Variants in STXBP5L observed in about 807,000 individuals in gnomAD.
STXBP5L encodes the protein syntaxin-binding protein 5-like.
In STXBP5L, 65 loss-of-function variants were observed where a neutral mutation model predicts 144.5. The ratio of observed to expected loss-of-function variants is 0.45; its 90% confidence interval spans 0.37 to 0.55. STXBP5L has a LOEUF of 0.55. STXBP5L is among the 20% of genes least tolerant of loss of function. The pLI is 0.00. For synonymous variants in STXBP5L, 505 were observed against 469.6 expected (o/e 1.08, Z -0.97); for missense variants, 1,298 against 1,405.5 (o/e 0.92, Z 1.22).
intron 5 of STXBP5L, among the ~76,000 whole-genome samples, chr3:121,069,969 T>G (rs968314993): frequency 6.6e-6 from 1 of 152,224 alleles, no homozygotes; most frequent in African/African-American, 2.4e-5. Context: ...ACTTTTGCTG[T>G]GTCCCAGAGG....
intron 5 of STXBP5L, among the ~76,000 whole-genome samples, chr3:121,082,502 G>C (rs1230415657): frequency 1.3e-5 from 2 of 152,172 alleles, no homozygotes; most frequent in African/African-American, 4.8e-5. Context: ...TTATCTGCTT[G>C]GGACCCATTC....
chr3:121,110,973 G>T (rs1024136006), intron 5 of STXBP5L, among the ~76,000 whole-genome samples: 3 of 151,580 alleles, frequency 2.0e-5, no homozygotes, highest in Admixed American at 6.6e-5. Flanking sequence ...TGCCTGTCTT[G>T]TTTCATCAAG....
chr3:120,955,946 T>C (rs1188195544), intron 3 of STXBP5L, among the ~76,000 whole-genome samples: 1 of 152,042 alleles, frequency 6.6e-6, no homozygotes, highest in African/African-American at 2.4e-5. Context: ...TGAAGATTCA[T>C]TCATATTGTT....
chr3:121,171,459 C>T (rs1169256251), intron 9 of STXBP5L, among the ~76,000 whole-genome samples: 2 of 152,142 alleles, frequency 1.3e-5, no homozygotes, highest in African/African-American at 2.4e-5. Context: ...TAGAAAACCC[C>T]ATCGTCTCAG....
intron 2 of STXBP5L, among the ~76,000 whole-genome samples, chr3:120,935,681 C>T (rs1710229418): frequency 6.6e-6 from 1 of 152,000 alleles, no homozygotes; most frequent in South Asian, 2.1e-4. Flanking sequence ...ACACTTTAAA[C>T]ATATCACTTC....
At chr3:121,047,830 C>G (rs962363380) in intron 5 of STXBP5L, among the ~76,000 whole-genome samples, 2 of 152,116 alleles carry the variant, frequency 1.3e-5, no homozygotes, top group African/African-American at 4.8e-5. Context: ...TTAATTGGAG[C>G]ATTTAGCCAA....
At chr3:121,148,879 G>A (rs1434796105) in intron 7 of STXBP5L, among the ~76,000 whole-genome samples, 2 of 152,064 alleles carry the variant, frequency 1.3e-5, no homozygotes, top group Non-Finnish European at 1.5e-5. Context: ...TAGTGCCATA[G>A]CCAAACAATG....
At chr3:121,355,326 A>G (rs561270299) in intron 20 of STXBP5L, among the ~76,000 whole-genome samples, 21 of 152,258 alleles carry the variant, frequency 1.4e-4, no homozygotes, top group South Asian at 2.1e-4. Context: ...AGGTACACCA[A>G]TCAAACTAGA....
intron 14 of STXBP5L, among the ~76,000 whole-genome samples, chr3:121,244,825 A>T (rs891556149): frequency 6.6e-6 from 1 of 152,090 alleles, no homozygotes; most frequent in Non-Finnish European, 1.5e-5. Context: ...TTAGAATGCT[A>T]TATTTGTCAT....
At chr3:121,054,357 A>G (rs142919056) in intron 5 of STXBP5L, among the ~76,000 whole-genome samples, 19,888 of 152,136 alleles carry the variant, frequency 0.13, 1,617 homozygotes, top group Non-Finnish European at 0.19. Context: ...TCCAACAACG[A>G]TAGACTGGAT....
chr3:121,034,852 T>TC (rs1459826974), intron 3 of STXBP5L, among the ~76,000 whole-genome samples: 1 of 152,178 alleles, frequency 6.6e-6, no homozygotes, highest in East Asian at 1.9e-4. Flanking sequence ...AATGTGTAAG[T>TC]GTTCCCTTTC....
At chr3:121,229,725 A>G (rs2049241406) in intron 11 of STXBP5L, among the ~76,000 whole-genome samples, 1 of 151,608 alleles carries the variant, frequency 6.6e-6, no homozygotes, top group Non-Finnish European at 1.5e-5. Flanking sequence ...CTGGCTAATT[A>G]TTTTATTTTT....
intron 9 of STXBP5L, among the ~76,000 whole-genome samples, chr3:121,176,251 T>A: frequency 6.6e-6 from 1 of 151,888 alleles, no homozygotes; most frequent in East Asian, 1.9e-4. Flanking sequence ...ATGCACACCA[T>A]TTTTTTAAAA....
intron 3 of STXBP5L, among the ~76,000 whole-genome samples, chr3:120,964,121 CT>C (rs1429153481): frequency 6.6e-6 from 1 of 151,946 alleles, no homozygotes; most frequent in Admixed American, 6.6e-5. Flanking sequence ...TGGTGATATT[CT>C]TTTTATCATT....
chr3:121,111,415 G>T (rs1284572656), intron 5 of STXBP5L, among the ~76,000 whole-genome samples: 1 of 152,162 alleles, frequency 6.6e-6, no homozygotes, highest in Non-Finnish European at 1.5e-5. Flanking sequence ...TTTGGATGGG[G>T]TTTTTGAGGG....
At chr3:121,104,127 A>G (rs973708716) in intron 5 of STXBP5L, among the ~76,000 whole-genome samples, 1 of 152,222 alleles carries the variant, frequency 6.6e-6, no homozygotes, top group Non-Finnish European at 1.5e-5. Context: ...ATGACTGCTC[A>G]TGAAATCTTT....
intron 7 of STXBP5L, among the ~76,000 whole-genome samples, chr3:121,140,233 T>C (rs565507951): frequency 6.6e-6 from 1 of 152,178 alleles, no homozygotes; most frequent in African/African-American, 2.4e-5. Context: ...TCATTTAGAA[T>C]TGCCATTATC....
intron 7 of STXBP5L, among the ~76,000 whole-genome samples, chr3:121,129,539 A>G (rs1281259060): frequency 6.6e-6 from 1 of 152,056 alleles, no homozygotes; most frequent in East Asian, 1.9e-4. Flanking sequence ...AACACAACCT[A>G]TGGTACCTAA....
In STXBP5L at chr3:121,253,478, A is replaced by G. The variant is rs143070299; in HGVS notation, c.1442-1417A>G. ...ATACTTCAGTGTGTATTTCCTACAA[A>G]CATTCACTTACATAACCAGACTTCA... is the stretch of plus-strand genomic sequence containing the variant. On this transcript the variant is annotated intron_variant, in intron 15 of 26. Coordinates refer to ENST00000471454, the MANE Select transcript of STXBP5L (RefSeq NM_001308330.2). 1.9e-3 allele frequency among the ~76,000 whole-genome samples: 292 copies of G among 151,872 alleles called. 1 individual carries two copies. Among genetic ancestry groups the G allele is most frequent in the African/African-American group, 6.8e-3 (282 of 41,444 alleles).
Sources: gnomAD v4.1 joint callset for allele counts (sites outside exome capture counted in the v4.1 genomes callset) on GRCh38, gnomAD v4.1.1 for gene constraint, MANE v1.5 for transcripts, NCBI Gene and HGNC (gene_info 2026-07-23, HGNC 2026-07-21) for gene names.